The following ANKS1B variants were observed in gnomAD, a reference collection of about 807,000 sequenced individuals.
The protein encoded by ANKS1B is ankyrin repeat and sterile alpha motif domain containing 1B.
In ANKS1B, 36 loss-of-function variants were observed where a neutral mutation model predicts 148.3. That is an observed-to-expected ratio of 0.24 (90% confidence interval 0.19 to 0.32). The LOEUF is 0.32. Ranked by LOEUF, ANKS1B falls within the 10% of genes least tolerant of loss-of-function variation. The probability of loss-of-function intolerance (pLI) is 1.00; values close to 1 mark genes in which losing one functional copy is unlikely to be tolerated. For missense variants in ANKS1B, 1,157 were observed against 1,542.6 expected (o/e 0.75, Z 4.19); for synonymous variants, 542 against 560.8 (o/e 0.97, Z 0.47).
At chr12:99,345,780 A>G (rs960679453) in intron 12 of ANKS1B, among the ~76,000 whole-genome samples, 10 of 151,920 alleles carry the variant, frequency 6.6e-5, no homozygotes, top group Non-Finnish European at 1.2e-4. Context: ...AGACCTTTTT[A>G]AAAAAACAGC....
At chr12:99,693,579 T>C (rs1469483040) in intron 8 of ANKS1B, among the ~76,000 whole-genome samples, 1 of 152,136 alleles carries the variant, frequency 6.6e-6, no homozygotes, top group Non-Finnish European at 1.5e-5. Context: ...AAGCTGACCT[T>C]ATCTGATTCT....
intron 8 of ANKS1B, among the ~76,000 whole-genome samples, chr12:99,699,129 T>C (rs973050868): frequency 1.3e-5 from 2 of 152,226 alleles, no homozygotes; most frequent in African/African-American, 2.4e-5. Context: ...AGTTCCATTC[T>C]ATACTTGGGA....
At chr12:99,785,405 A>G (rs899985808) in intron 4 of ANKS1B, among the ~76,000 whole-genome samples, 2 of 152,036 alleles carry the variant, frequency 1.3e-5, no homozygotes, top group Non-Finnish European at 2.9e-5. Flanking sequence ...TCACTATAAA[A>G]TAACATACAA....
chr12:99,010,229 G>C (rs1485539749), intron 17 of ANKS1B, among the ~76,000 whole-genome samples: 1 of 152,208 alleles, frequency 6.6e-6, no homozygotes, highest in East Asian at 1.9e-4. Context: ...CTACCTTGGG[G>C]ACTTTGAGCA....
intron 14 of ANKS1B, among the ~76,000 whole-genome samples, chr12:99,224,712 G>A (rs1361321241): frequency 6.6e-6 from 1 of 152,134 alleles, no homozygotes; most frequent in Non-Finnish European, 1.5e-5. Flanking sequence ...TGAGAGAACA[G>A]ACTAATACAT....
At chr12:99,424,789 T>C (rs1040941360) in intron 11 of ANKS1B, among the ~76,000 whole-genome samples, 3 of 152,070 alleles carry the variant, frequency 2.0e-5, no homozygotes, top group Middle Eastern at 3.4e-3. Context: ...TGAATCCTTG[T>C]GGATGAACCA....
chr12:99,928,743 C>A (rs996045508), intron 1 of ANKS1B, among the ~76,000 whole-genome samples: 2 of 152,192 alleles, frequency 1.3e-5, no homozygotes, highest in African/African-American at 4.8e-5. Flanking sequence ...ATATACACTT[C>A]AAAAACAAAC....
chr12:99,614,972 T>C (rs1479449163), intron 9 of ANKS1B, among the ~76,000 whole-genome samples: 1 of 150,898 alleles, frequency 6.6e-6, no homozygotes, highest in African/African-American at 2.4e-5. Flanking sequence ...GGATCTCCAA[T>C]GAAAGGGGAG....
chr12:99,939,438 C>T (rs900384161), intron 1 of ANKS1B, among the ~76,000 whole-genome samples: 2 of 152,002 alleles, frequency 1.3e-5, no homozygotes, highest in Non-Finnish European at 2.9e-5. Flanking sequence ...ACTATGTTGA[C>T]CAGAATAGTC....
At chr12:98,833,840 GC>G (rs1442771465) in intron 17 of ANKS1B, among the ~76,000 whole-genome samples, 1 of 152,096 alleles carries the variant, frequency 6.6e-6, no homozygotes, top group African/African-American at 2.4e-5. Flanking sequence ...GTGAGAACAT[GC>G]AATATTTGGT....
intron 2 of ANKS1B, among the ~76,000 whole-genome samples, chr12:99,819,061 C>A (rs953665024): frequency 1.3e-5 from 2 of 151,796 alleles, no homozygotes; most frequent in South Asian, 4.1e-4. Context: ...AAAATAAATG[C>A]AAATCATCTT....
chr12:99,189,580 A>C (rs1415194698), intron 14 of ANKS1B, among the ~76,000 whole-genome samples: 2 of 152,196 alleles, frequency 1.3e-5, no homozygotes, highest in Non-Finnish European at 2.9e-5. Flanking sequence ...CATAAACAGA[A>C]CCAATGACAA....
chr12:99,460,543 C>T (rs2095938152), intron 10 of ANKS1B, among the ~76,000 whole-genome samples: 1 of 151,798 alleles, frequency 6.6e-6, no homozygotes, highest in South Asian at 2.1e-4. Flanking sequence ...GGAACTCAAA[C>T]ATATCAGCAA....
intron 12 of ANKS1B, among the ~76,000 whole-genome samples, chr12:99,302,892 G>C (rs1194908720): frequency 6.6e-6 from 1 of 152,190 alleles, no homozygotes; most frequent in South Asian, 2.1e-4. Context: ...ACATTAAAAA[G>C]CTGACTATAA....
Position 99,950,280 on chromosome 12 carries a change from C to T in ANKS1B, c.134+33824G>A, listed in dbSNP as rs568328602. ...TGGCCTGTTCCAATTCTTTTAGTAG[C>T]TTGTTCTCATCTAAATATTAAGCTT... On this transcript the variant is annotated intron_variant, in intron 1 of 26. Transcript: ENST00000683438. Among the ~76,000 whole-genome samples, 9 of 151,950 alleles carry T rather than the reference C, an allele frequency of 5.9e-5. No homozygotes were observed. In the South Asian group the frequency reaches 1.9e-3, roughly 32 times the overall value.
At chr12:98,774,205 G>T (rs553444338) in intron 24 of ANKS1B, among the ~76,000 whole-genome samples, 2 of 152,344 alleles carry the variant, frequency 1.3e-5, no homozygotes, top group East Asian at 3.9e-4. Flanking sequence ...TGAAGCAACT[G>T]GTACTCAAAG....
At chr12:99,206,820 T>C (rs2153904950) in intron 14 of ANKS1B, among the ~76,000 whole-genome samples, 1 of 152,344 alleles carries the variant, frequency 6.6e-6, no homozygotes, top group African/African-American at 2.4e-5. Flanking sequence ...AAGTACACCC[T>C]TCTGGCATTT....
chr12:99,531,563 A>G (rs961921308), intron 9 of ANKS1B, among the ~76,000 whole-genome samples: 1 of 152,202 alleles, frequency 6.6e-6, no homozygotes, highest in Non-Finnish European at 1.5e-5. Flanking sequence ...ATGGCTGAGT[A>G]GCATTCCATG....
At chr12:99,072,897 C>T (rs754941592) in intron 16 of ANKS1B, among the ~76,000 whole-genome samples, 5 of 152,058 alleles carry the variant, frequency 3.3e-5, no homozygotes, top group Non-Finnish European at 4.4e-5. Flanking sequence ...TTCTCAATAG[C>T]TAGTACAGTG....
Sources: allele counts gnomAD v4.1 joint callset (sites outside exome capture counted in the v4.1 genomes callset), GRCh38; gene constraint gnomAD v4.1.1; transcripts MANE v1.5; gene names NCBI Gene and HGNC (gene_info 2026-07-23, HGNC 2026-07-21).